Variants in CA10 observed in about 807,000 individuals in gnomAD.
CA10 encodes the protein carbonic anhydrase-related protein 10.
In CA10, 14 loss-of-function variants were observed where a neutral mutation model predicts 44.2. The ratio of observed to expected loss-of-function variants is 0.32; its 90% CI spans 0.21 to 0.50. The LOEUF is 0.50. Among genes scored for constraint, CA10 ranks in the 20% least tolerant of loss-of-function variants. The pLI, the probability that CA10 is intolerant of heterozygous loss-of-function variation, is 0.99. For synonymous variants in CA10, 159 were observed against 141.6 expected, an observed-to-expected ratio of 1.12 and a Z score of -0.87; for missense variants, 350 against 409.7, an observed-to-expected ratio of 0.85 and a Z score of 1.26.
intron 3 of CA10, among the ~76,000 whole-genome samples, chr17:51,766,644 CTTATTT>C (rs1905394812): frequency 6.6e-6 from 1 of 151,782 alleles, no homozygotes; most frequent in Non-Finnish European, 1.5e-5. Context: ...CTTATTTTTG[CTTATTT>C]TTATTTCTCC....
chr17:52,002,276 C>T (rs1272217666), intron 2 of CA10, among the ~76,000 whole-genome samples: 2 of 151,570 alleles, frequency 1.3e-5, no homozygotes, highest in East Asian at 3.9e-4. Context: ...TCTTGGTTGG[C>T]CCACTGCAGA....
intron 2 of CA10, among the ~76,000 whole-genome samples, chr17:52,044,259 G>A (rs1986847574): frequency 6.6e-6 from 1 of 151,962 alleles, no homozygotes; most frequent in South Asian, 2.1e-4. Flanking sequence ...CAGATTTTCT[G>A]TTTCTTCATG....
At chr17:51,683,219 A>T (rs1006567257) in intron 4 of CA10, among the ~76,000 whole-genome samples, 3 of 152,144 alleles carry the variant, frequency 2.0e-5, no homozygotes, top group Admixed American at 2.0e-4. Context: ...CACAGACAAG[A>T]TGGGTTTAAA....
intron 2 of CA10, among the ~76,000 whole-genome samples, chr17:51,931,445 C>T (rs141011996): frequency 2.2e-3 from 336 of 152,260 alleles, no homozygotes; most frequent in African/African-American, 7.6e-3. Flanking sequence ...ATCATCTTTG[C>T]AATATGCCTG....
intron 2 of CA10, among the ~76,000 whole-genome samples, chr17:52,065,809 GGCTGT>G (rs1987521004): frequency 6.6e-6 from 1 of 152,230 alleles, no homozygotes; most frequent in East Asian, 1.9e-4. Context: ...GATATGGTTT[GGCTGT>G]GCCCCCAGCC....
rs1224258526 is a variant in CA10, at chr17:52,028,779, C to CTA, written c.136+43538_136+43539dup. ...TGATTTAGACATACTGTCCACTTCTCTAATGCAAACCCACAAAATTGTTGA... is the reference window on the plus strand; with the variant it reads ...TGATTTAGACATACTGTCCACTTCTCTATAATGCAAACCCACAAAATTGTTGA... On this transcript the variant is annotated intron_variant, in intron 2 of 8. Coordinates refer to ENST00000451037, the MANE Select transcript of CA10 (RefSeq NM_020178.5). Among the ~76,000 whole-genome samples, 5 of 152,298 alleles carry CTA rather than the reference C, an allele frequency of 3.3e-5. No homozygotes were observed. In the South Asian group the frequency reaches 1.0e-3, roughly 32 times the overall value.
chr17:51,631,480 T>A lies in CA10; in HGVS notation c.*104A>T. 9.2e-7 allele frequency: 1 copy of A among 1,091,566 alleles called. No homozygotes were observed. Among genetic ancestry groups the A allele is most frequent in the Non-Finnish European group, 1.4e-6 (1 of 710,182 alleles). The allele number at this position is 1,091,566 out of a possible 1,614,324, so 67.6% of individuals were successfully genotyped here. ...GGCCAATCCCAAGAATGAATGAGGC[T>A]TGGGGGAAAGAAGGAGAGAGAAGCA... On this transcript the variant is annotated 3_prime_UTR_variant, in exon 9 of 9. Coordinates refer to ENST00000451037, the MANE Select transcript of CA10 (RefSeq NM_020178.5).
chr17:51,749,742 A>C (rs1455162749), intron 3 of CA10, among the ~76,000 whole-genome samples: 1 of 152,200 alleles, frequency 6.6e-6, no homozygotes, highest in Non-Finnish European at 1.5e-5. Flanking sequence ...CATACTGTTA[A>C]GCAGAGAAAG....
At chr17:51,965,748 CAT>C (rs1984057176) in intron 2 of CA10, among the ~76,000 whole-genome samples, 1 of 152,044 alleles carries the variant, frequency 6.6e-6, no homozygotes, top group Non-Finnish European at 1.5e-5. Context: ...CCACAGCCAA[CAT>C]AATACCAAAC....
chr17:51,765,317 C>T (rs1425459416), intron 3 of CA10, among the ~76,000 whole-genome samples: 1 of 152,178 alleles, frequency 6.6e-6, no homozygotes, highest in Non-Finnish European at 1.5e-5. Context: ...CGAGAAACCT[C>T]ATAAATTAAC....
chr17:51,891,163 C>T (rs912390244), intron 3 of CA10, among the ~76,000 whole-genome samples: 1 of 152,220 alleles, frequency 6.6e-6, no homozygotes, highest in East Asian at 1.9e-4. Context: ...TTCATTACCA[C>T]GGAGACACTA....
chr17:51,792,385 T>C (rs1200030777), intron 3 of CA10, among the ~76,000 whole-genome samples: 8 of 152,232 alleles, frequency 5.3e-5, no homozygotes, highest in African/African-American at 1.7e-4. Context: ...TATGTGATCA[T>C]AGCTAAGCAT....
At chr17:51,954,473 A>G (rs553034136) in intron 2 of CA10, among the ~76,000 whole-genome samples, 51 of 152,260 alleles carry the variant, frequency 3.3e-4, no homozygotes, top group African/African-American at 1.2e-3. Flanking sequence ...GGAGTCACGG[A>G]GTCACATAAG....
intron 4 of CA10, among the ~76,000 whole-genome samples, chr17:51,656,700 T>C (rs1434973785): frequency 6.6e-6 from 1 of 152,232 alleles, no homozygotes; most frequent in African/African-American, 2.4e-5. Flanking sequence ...AGCCACAGCA[T>C]CTAGGAGCTT....
At chr17:52,059,602 C>T (rs984955534) in intron 2 of CA10, among the ~76,000 whole-genome samples, 2 of 151,934 alleles carry the variant, frequency 1.3e-5, no homozygotes, top group African/African-American at 4.8e-5. Flanking sequence ...AGCCCACCAA[C>T]ATGGCACATG....
chr17:51,889,632 G>T (rs1057346853), intron 3 of CA10, among the ~76,000 whole-genome samples: 8 of 152,172 alleles, frequency 5.3e-5, no homozygotes, highest in African/African-American at 1.9e-4. Context: ...TGGGAAGCAT[G>T]GTTCATTGGG....
intron 2 of CA10, among the ~76,000 whole-genome samples, chr17:51,937,764 G>A (rs577858802): frequency 1.3e-4 from 20 of 152,120 alleles, no homozygotes; most frequent in Admixed American, 1.1e-3. Flanking sequence ...TATAATAAGG[G>A]TATGTGTATA....
chr17:52,052,304 A>AAAAAAAAAGACAGGCATT (rs1987100120), intron 2 of CA10, among the ~76,000 whole-genome samples: 1 of 130,636 alleles, frequency 7.7e-6, no homozygotes. Flanking sequence ...TTTTTTAAAA[A>AAAAAAAAAGACAGGCATT]AAAAAAAAAA....
intron 4 of CA10, among the ~76,000 whole-genome samples, chr17:51,732,094 G>A (rs1916742860): frequency 6.6e-6 from 1 of 152,206 alleles, no homozygotes; most frequent in South Asian, 2.1e-4. Flanking sequence ...GCACACAGTA[G>A]GTGGTAGAGC....
Sources: allele counts gnomAD v4.1 joint callset (sites outside exome capture counted in the v4.1 genomes callset), GRCh38; gene constraint gnomAD v4.1.1; transcripts MANE v1.5; gene names NCBI Gene and HGNC (gene_info 2026-07-23, HGNC 2026-07-21).